The following DLG2 variants were observed in gnomAD, a reference collection of about 807,000 sequenced individuals.
The protein encoded by DLG2 is disks large homolog 2.
Under a neutral mutation model 132.5 loss-of-function variants are expected in DLG2, and 45 were observed. The observed-to-expected ratio is 0.34, with a 90% CI of 0.27 to 0.44. DLG2 has a LOEUF of 0.44. Ranked by LOEUF, DLG2 falls within the 20% of genes least tolerant of loss-of-function variation. The pLI is 1.00. For missense variants in DLG2, 1,045 were observed against 1,196.9 expected (o/e 0.87, Z 1.87); for synonymous variants, 424 against 419.6 (o/e 1.01, Z -0.13).
In DLG2 at chr11:84,619,293, G is replaced by A. The variant is rs566028538; in HGVS notation, c.358-84562C>T. Among the ~76,000 whole-genome samples, 8 of 151,756 alleles carry A rather than the reference G, an allele frequency of 5.3e-5. No individual in the cohort carries two copies. In the East Asian group the frequency reaches 1.5e-3, roughly 29 times the overall value. ...ATAAATATTTGTAAATAGGTGGGTTGGAATGTTAATTTAAAATACTGCATA... is the reference window on the plus strand; with the variant it reads ...ATAAATATTTGTAAATAGGTGGGTTAGAATGTTAATTTAAAATACTGCATA... On this transcript the variant is annotated intron_variant, in intron 6 of 27. Transcript: ENST00000376104.
At chr11:85,083,225 C>A (rs2067473851) in intron 6 of DLG2, among the ~76,000 whole-genome samples, 1 of 152,098 alleles carries the variant, frequency 6.6e-6, no homozygotes, top group South Asian at 2.1e-4. Flanking sequence ...TAGATCTCAA[C>A]CAAATTTTGG....
At chr11:85,425,969 A>T (rs35189383) in intron 3 of DLG2, among the ~76,000 whole-genome samples, 1,814 of 152,318 alleles carry the variant, frequency 0.012, 114 homozygotes, top group Admixed American at 0.11. Flanking sequence ...GGTCTTAGCA[A>T]ACAGCATACC....
rs145140581 is a variant in DLG2 at position 85,390,456 on chromosome 11, GT to G, written c.41-105092del. On this transcript the variant is annotated intron_variant, in intron 3 of 27. Transcript: ENST00000376104. ...ACAAGACAGGCTATCAAGGGAGAAAGTCAACAAAGAAAGAGTGGACTTAAAG... is the reference window on the plus strand; with the variant it reads ...ACAAGACAGGCTATCAAGGGAGAAAGCAACAAAGAAAGAGTGGACTTAAAG... Among the ~76,000 whole-genome samples the G allele has an allele frequency of 9.9e-3, 1,506 of 152,166 alleles. 31 individuals carry two copies. Among genetic ancestry groups the G allele is most frequent in the African/African-American group, 0.035 (1,451 of 41,526 alleles).
chr11:85,281,992 T>C (rs994287682), intron 4 of DLG2, among the ~76,000 whole-genome samples: 8 of 151,420 alleles, frequency 5.3e-5, no homozygotes, highest in African/African-American at 1.7e-4. Context: ...ATAAAGAAAA[T>C]GTGGTACATA....
At chr11:84,642,490 T>A (rs2099668748) in intron 6 of DLG2, among the ~76,000 whole-genome samples, 1 of 152,166 alleles carries the variant, frequency 6.6e-6, no homozygotes, top group Non-Finnish European at 1.5e-5. Context: ...CAAAGAAATT[T>A]TAAATCAAAT....
chr11:85,579,470 C>T (rs987515831), intron 3 of DLG2, among the ~76,000 whole-genome samples: 7 of 151,974 alleles, frequency 4.6e-5, no homozygotes, highest in African/African-American at 1.2e-4. Context: ...AAAAAGTGAA[C>T]GAAGTGGTAT....
At chr11:84,653,058 T>C (rs570616506) in intron 6 of DLG2, among the ~76,000 whole-genome samples, 13 of 151,812 alleles carry the variant, frequency 8.6e-5, no homozygotes, top group African/African-American at 3.1e-4. Flanking sequence ...GCCTCCTGAG[T>C]AGCTGGGATT....
At chr11:83,789,034 T>C (rs1001658706) in intron 17 of DLG2, among the ~76,000 whole-genome samples, 1 of 152,148 alleles carries the variant, frequency 6.6e-6, no homozygotes, top group African/African-American at 2.4e-5. Context: ...AAGATGAAAA[T>C]GAAGGCAACA....
At chr11:85,470,824 G>A (rs1328516266) in intron 3 of DLG2, among the ~76,000 whole-genome samples, 3 of 152,246 alleles carry the variant, frequency 2.0e-5, no homozygotes, top group East Asian at 3.8e-4. Context: ...AGACTTGGAA[G>A]TTAAATGATG....
chr11:83,685,245 C>T (rs995338814), intron 18 of DLG2, among the ~76,000 whole-genome samples: 1 of 152,158 alleles, frequency 6.6e-6, no homozygotes, highest in Non-Finnish European at 1.5e-5. Context: ...ATATCCACTG[C>T]TTCTAAGCAC....
chr11:83,900,012 G>T (rs2072973280), intron 15 of DLG2, among the ~76,000 whole-genome samples: 1 of 152,200 alleles, frequency 6.6e-6, no homozygotes, highest in African/African-American at 2.4e-5. Context: ...AGATGGAAAT[G>T]AGAAACTTGT....
intron 3 of DLG2, among the ~76,000 whole-genome samples, chr11:85,464,776 G>T (rs1483874420): frequency 5.3e-5 from 8 of 151,594 alleles, no homozygotes; most frequent in Admixed American, 5.3e-4. Flanking sequence ...CAGCTTGGGG[G>T]TCAGAAGCAT....
In DLG2 at chr11:84,703,888, G is replaced by A. The variant is rs200835960; in HGVS notation, c.358-169157C>T. On this transcript the variant is annotated intron_variant, in intron 6 of 27. Coordinates refer to ENST00000376104, the MANE Select transcript of DLG2 (RefSeq NM_001142699.3). ...TATATATATATATATATATATACAC[G>A]TGTGTGTGTGTGTGTGTGTGTGTGT... Among the ~76,000 whole-genome samples the A allele has an allele frequency of 7.4e-4, 38 of 51,484 alleles. 1 individual carries two copies. Among genetic ancestry groups the A allele is most frequent in the South Asian group, 6.1e-3 (13 of 2,114 alleles). 33.8% of individuals were successfully genotyped at this position (51,484 alleles called of 152,430 possible).
intron 3 of DLG2, among the ~76,000 whole-genome samples, chr11:85,597,916 ATTTG>A (rs1025776545): frequency 1.9e-4 from 29 of 151,664 alleles, no homozygotes; most frequent in Admixed American, 5.2e-4. Flanking sequence ...TGGGAAAAGT[ATTTG>A]TTTATTTATA....
chr11:85,094,704 T>C (rs989999260), intron 6 of DLG2, among the ~76,000 whole-genome samples: 2 of 152,238 alleles, frequency 1.3e-5, no homozygotes, highest in African/African-American at 4.8e-5. Flanking sequence ...TTTTGATCTA[T>C]CTAGACAATT....
At chr11:84,914,991 C>G (rs888592250) in intron 6 of DLG2, among the ~76,000 whole-genome samples, 1 of 152,062 alleles carries the variant, frequency 6.6e-6, no homozygotes, top group Non-Finnish European at 1.5e-5. Flanking sequence ...AAGTAAGCAC[C>G]GATCTATGAA....
intron 7 of DLG2, among the ~76,000 whole-genome samples, chr11:84,290,876 TCA>T (rs1306149091): frequency 1.3e-5 from 2 of 152,116 alleles, no homozygotes; most frequent in African/African-American, 2.4e-5. Flanking sequence ...CTAAAATCAC[TCA>T]GTGTTGCTAT....
intron 12 of DLG2, 128 bp downstream of exon 12, chr11:83,980,377 AT>A: frequency 9.9e-7 from 1 of 1,007,698 alleles, no homozygotes; most frequent in South Asian, 2.0e-5. Context: ...GAGAAAATAG[AT>A]TTCTGCCATT....
At chr11:84,098,459 G>A (rs1248427804) in intron 10 of DLG2, among the ~76,000 whole-genome samples, 1 of 152,086 alleles carries the variant, frequency 6.6e-6, no homozygotes, top group African/African-American at 2.4e-5. Flanking sequence ...AACCTTCCCA[G>A]GGAATGGTTT....
Sources: gnomAD v4.1 joint callset for allele counts (sites outside exome capture counted in the v4.1 genomes callset) on GRCh38, gnomAD v4.1.1 for gene constraint, MANE v1.5 for transcripts, NCBI Gene and HGNC (gene_info 2026-07-23, HGNC 2026-07-21) for gene names.